GPHN: variants seen among roughly 807,000 people sequenced by gnomAD.
The protein encoded by GPHN is gephyrin.
A neutral mutation model predicts 95.5 loss-of-function variants in GPHN; 17 were observed. The observed-to-expected ratio is 0.18, with a 90% confidence interval of 0.12 to 0.27. The LOEUF is 0.27. Among genes scored for constraint, GPHN ranks in the 10% least tolerant of loss-of-function variants. The probability of loss-of-function intolerance (pLI) is 1.00; values close to 1 mark genes in which losing one functional copy is unlikely to be tolerated. For synonymous variants in GPHN, 320 were observed against 322.5 expected, an observed-to-expected ratio of 0.99 and a Z score of 0.08; for missense variants, 660 against 978.1, an observed-to-expected ratio of 0.67 and a Z score of 4.34.
At chr14:67,505,287 C>T in the GPHN span, among the ~76,000 whole-genome samples, 15 of 152,072 alleles carry the variant, frequency 9.9e-5, no homozygotes, top group African/African-American at 3.4e-4. Context: ...TCACCCTGTC[C>T]CCATAGAAAA....
the GPHN span, among the ~76,000 whole-genome samples, chr14:67,526,724 G>T: frequency 6.6e-6 from 1 of 152,114 alleles, no homozygotes; most frequent in Non-Finnish European, 1.5e-5. Context: ...GAATGCTGGG[G>T]CTCAGGGTCC....
intron 4 of GPHN, among the ~76,000 whole-genome samples, chr14:66,829,934 A>C (rs903002584): frequency 6.6e-6 from 1 of 151,872 alleles, no homozygotes; most frequent in South Asian, 2.1e-4. Flanking sequence ...TACATTTTTA[A>C]ATGGCTGAAA....
At chr14:66,548,355 A>G (rs1048623245) in intron 1 of GPHN, among the ~76,000 whole-genome samples, 12 of 151,514 alleles carry the variant, frequency 7.9e-5, no homozygotes, top group Non-Finnish European at 1.0e-4. Flanking sequence ...TAATTTTTGT[A>G]TTTTTAGTAG....
chr14:67,350,572 CTT>C, the GPHN span: 2 of 1,544,108 alleles, frequency 1.3e-6, no homozygotes, highest in Admixed American at 3.6e-5. Flanking sequence ...ACTGAAATCA[CTT>C]TGTTTTGCTT....
the GPHN span, among the ~76,000 whole-genome samples, chr14:67,676,401 C>T: frequency 6.6e-5 from 10 of 152,044 alleles, no homozygotes; most frequent in African/African-American, 2.2e-4. Context: ...TGGGACTTGT[C>T]ACAGTACAGA....
chr14:66,574,563 T>G (rs2060828431), intron 1 of GPHN, among the ~76,000 whole-genome samples: 1 of 152,220 alleles, frequency 6.6e-6, no homozygotes. Flanking sequence ...TCTTTAGCAT[T>G]TCTTGTAAGG....
intron 2 of GPHN, among the ~76,000 whole-genome samples, chr14:66,685,997 A>T (rs1333017082): frequency 1.6e-5 from 2 of 129,010 alleles, no homozygotes; most frequent in Non-Finnish European, 3.0e-5. Flanking sequence ...CATTTATTAA[A>T]TAGGGAATCC....
the GPHN span, among the ~76,000 whole-genome samples, chr14:67,359,182 C>T: frequency 6.6e-6 from 1 of 152,178 alleles, no homozygotes; most frequent in Non-Finnish European, 1.5e-5. Context: ...TAGGGCGATT[C>T]GATTCCATCC....
chr14:66,780,721 A>G (rs539846565), intron 3 of GPHN, among the ~76,000 whole-genome samples: 1 of 152,288 alleles, frequency 6.6e-6, no homozygotes, highest in East Asian at 1.9e-4. Context: ...CTTGCTTTCA[A>G]AGTACTCAAA....
At chr14:67,725,194 C>T in the GPHN span, 83 of 1,614,078 alleles carry the variant, frequency 5.1e-5, 1 homozygote, top group East Asian at 1.4e-3. Flanking sequence ...GGTGCTGGTG[C>T]GGAAATTGGA....
chr14:66,691,409 T>C (rs961870971), intron 2 of GPHN, among the ~76,000 whole-genome samples: 9 of 151,996 alleles, frequency 5.9e-5, no homozygotes, highest in Non-Finnish European at 1.3e-4. Flanking sequence ...GGTCTCGATC[T>C]CCTGACCCTG....
chr14:67,056,347 T>G (rs1018450600), intron 10 of GPHN, among the ~76,000 whole-genome samples: 1 of 151,900 alleles, frequency 6.6e-6, no homozygotes, highest in Non-Finnish European at 1.5e-5. Flanking sequence ...GAGCACTGAT[T>G]GGTGCATTTA....
intron 2 of GPHN, among the ~76,000 whole-genome samples, chr14:66,769,500 C>T (rs981472761): frequency 3.3e-5 from 5 of 151,936 alleles, no homozygotes; most frequent in African/African-American, 4.8e-5. Context: ...CAATAGACCC[C>T]GGTGTGTGTT....
chr14:67,030,809 A>G (rs1312065636), intron 10 of GPHN, among the ~76,000 whole-genome samples: 2 of 152,142 alleles, frequency 1.3e-5, no homozygotes, highest in African/African-American at 4.8e-5. Context: ...CATTACCAGA[A>G]TCTATCACCA....
chr14:67,276,865 A>G, the GPHN span, among the ~76,000 whole-genome samples: 107 of 152,314 alleles, frequency 7.0e-4, 2 homozygotes, highest in South Asian at 0.022. Flanking sequence ...ATTTTCCCTC[A>G]TAGTGTAGTG....
chr14:67,250,090 A>G, the GPHN span, among the ~76,000 whole-genome samples: 1 of 152,324 alleles, frequency 6.6e-6, no homozygotes, highest in South Asian at 2.1e-4. Flanking sequence ...TGGCACACAA[A>G]TGGGTCACAT....
chr14:67,209,073 G>A, the GPHN span, among the ~76,000 whole-genome samples: 4 of 152,196 alleles, frequency 2.6e-5, no homozygotes, highest in African/African-American at 9.6e-5. Flanking sequence ...CTCATTTACA[G>A]AGGAAAGATC....
At chr14:66,545,725 C>G (rs1346256341) in intron 1 of GPHN, among the ~76,000 whole-genome samples, 6 of 136,008 alleles carry the variant, frequency 4.4e-5, no homozygotes, top group Non-Finnish European at 7.9e-5. Context: ...GGTGGCTGGC[C>G]GGGCGGGGGG....
At chr14:66,917,073 T>C (rs1356332617) in intron 6 of GPHN, among the ~76,000 whole-genome samples, 1 of 152,198 alleles carries the variant, frequency 6.6e-6, no homozygotes, top group Non-Finnish European at 1.5e-5. Flanking sequence ...ACCTTTAATC[T>C]ACCACTATTG....
Sources: allele counts gnomAD v4.1 joint callset (sites outside exome capture counted in the v4.1 genomes callset), GRCh38; gene constraint gnomAD v4.1.1; transcripts MANE v1.5; gene names NCBI Gene and HGNC (gene_info 2026-07-23, HGNC 2026-07-21).